Variants in SOX6 observed in about 807,000 individuals in gnomAD.
SOX6 encodes SRY-box transcription factor 6, also known as transcription factor SOX-6.
In SOX6, 11 loss-of-function variants were observed where a neutral mutation model predicts 97.8. The ratio of observed to expected loss-of-function variants is 0.11; its 90% CI spans 0.07 to 0.19. The LOEUF is 0.19. Among genes scored for constraint, SOX6 ranks in the 10% least tolerant of loss-of-function variants. The pLI, the probability that SOX6 is intolerant of heterozygous loss-of-function variation, is 1.00. For synonymous variants in SOX6, 360 were observed against 371.4 expected (o/e 0.97, Z 0.35); for missense variants, 810 against 1,039.5 (o/e 0.78, Z 3.04).
At chr11:16,187,479 G>A (rs1159870926) in intron 4 of SOX6, among the ~76,000 whole-genome samples, 1 of 151,986 alleles carries the variant, frequency 6.6e-6, no homozygotes, top group Non-Finnish European at 1.5e-5. Flanking sequence ...TCAATCTCTT[G>A]GCCATAGAGA....
chr11:16,291,229 TTATATATATATATATATATA>T (rs10529279), intron 3 of SOX6, among the ~76,000 whole-genome samples: 55 of 143,618 alleles, frequency 3.8e-4, no homozygotes, highest in East Asian at 3.4e-3. Flanking sequence ...TTCTATAAAT[TTATATATATATATATATATA>T]TATATATATA....
intron 3 of SOX6, among the ~76,000 whole-genome samples, chr11:16,659,722 T>G (rs1847751446): frequency 6.6e-6 from 1 of 152,198 alleles, no homozygotes. Flanking sequence ...TTTTTTCTTT[T>G]TTCACTGGTA....
At chr11:16,575,608 A>T (rs1847979625) in intron 4 of SOX6, among the ~76,000 whole-genome samples, 1 of 152,236 alleles carries the variant, frequency 6.6e-6, no homozygotes, top group African/African-American at 2.4e-5. Flanking sequence ...AAATTGGAAC[A>T]TACACAAAAA....
intron 9 of SOX6, among the ~76,000 whole-genome samples, chr11:16,095,187 A>G (rs77404678): frequency 0.012 from 1,828 of 152,040 alleles, 36 homozygotes; most frequent in African/African-American, 0.042. Context: ...AACTGTATCC[A>G]CTTTTTAAAA....
chr11:16,214,050 A>C (rs549998117), intron 4 of SOX6, among the ~76,000 whole-genome samples: 1 of 152,216 alleles, frequency 6.6e-6, no homozygotes, highest in Non-Finnish European at 1.5e-5. Flanking sequence ...AATGTTCTAC[A>C]TCTATGCTGC....
chr11:16,295,855 A>G (rs1318744760), intron 3 of SOX6, among the ~76,000 whole-genome samples: 1 of 152,098 alleles, frequency 6.6e-6, no homozygotes, highest in East Asian at 1.9e-4. Flanking sequence ...AGGGGGTCAC[A>G]ACAAAGGAAT....
chr11:16,327,681 T>A (rs1312317395), intron 2 of SOX6, among the ~76,000 whole-genome samples: 1 of 152,068 alleles, frequency 6.6e-6, no homozygotes, highest in Non-Finnish European at 1.5e-5. Context: ...ACAAGGAATG[T>A]GGATGGTCAG....
chr11:16,370,335 A>C (rs879635871), intron 1 of SOX6, among the ~76,000 whole-genome samples: 5 of 152,164 alleles, frequency 3.3e-5, no homozygotes, highest in Non-Finnish European at 7.4e-5. Flanking sequence ...TGAACAACTT[A>C]TCATGTTTTT....
intron 7 of SOX6, 88 bp from the exon 8 acceptor site, chr11:16,097,776 G>A: frequency 8.2e-7 from 1 of 1,214,276 alleles, no homozygotes; most frequent in Non-Finnish European, 1.2e-6. Flanking sequence ...GATTGCCTGA[G>A]CTTTACAACA....
At chr11:16,143,154 C>G (rs1850192272) in intron 6 of SOX6, among the ~76,000 whole-genome samples, 1 of 152,150 alleles carries the variant, frequency 6.6e-6, no homozygotes, top group Admixed American at 6.5e-5. Context: ...GCGGATCTCT[C>G]AGCAGAAACT....
intron 4 of SOX6, among the ~76,000 whole-genome samples, chr11:16,512,617 T>A (rs1860896905): frequency 6.6e-6 from 1 of 152,220 alleles, no homozygotes; most frequent in African/African-American, 2.4e-5. Flanking sequence ...GTTATTAGTA[T>A]ATAAATATTG....
chr11:16,143,795 G>A (rs992456425), intron 6 of SOX6, among the ~76,000 whole-genome samples: 2 of 152,144 alleles, frequency 1.3e-5, no homozygotes, highest in African/African-American at 4.8e-5. Flanking sequence ...TCAACACGAA[G>A]AGCTAAGTAT....
rs911005839 is a variant in SOX6 at position 16,340,871 on chromosome 11, T to C, written c.237+141A>G. 2.5e-6 allele frequency: 3 copies of C among 1,178,778 alleles called. No individual in the cohort carries two copies. In the African/African-American group the frequency reaches 4.6e-5, roughly 18 times the overall value. 73.0% of individuals were successfully genotyped at this position (1,178,778 alleles called of 1,614,324 possible). A position where few individuals can be genotyped will look rare whatever the true frequency, so the allele number is the denominator to read the frequency against. The stretch of plus-strand genomic sequence containing the variant: ...TCAAGTTTTTCCAGTTATTAGTATC[T>C]TAGTAATATGTACCTGGTAGTTGTT... On this transcript the variant is annotated intron_variant, in intron 2 of 15. Coordinates refer to ENST00000683767, the MANE Select transcript of SOX6 (RefSeq NM_001367873.1).
chr11:16,065,208 T>C (rs1848065681), intron 9 of SOX6, among the ~76,000 whole-genome samples: 1 of 152,052 alleles, frequency 6.6e-6, no homozygotes, highest in South Asian at 2.1e-4. Flanking sequence ...TCAATAGCAT[T>C]TCTATATTCT....
intron 3 of SOX6, among the ~76,000 whole-genome samples, chr11:16,304,605 T>C (rs1804755201): frequency 2.0e-5 from 3 of 152,214 alleles, no homozygotes; most frequent in Admixed American, 2.0e-4. Flanking sequence ...TAGTATTTTG[T>C]TACAGTAGCC....
intron 6 of SOX6, among the ~76,000 whole-genome samples, chr11:16,112,190 CT>C (rs1849248412): frequency 1.3e-5 from 2 of 152,140 alleles, no homozygotes; most frequent in African/African-American, 4.8e-5. Flanking sequence ...TTTCTCTTGA[CT>C]TTTTTCCTTT....
intron 6 of SOX6, among the ~76,000 whole-genome samples, chr11:16,170,142 G>A (rs541520967): frequency 6.6e-6 from 1 of 152,108 alleles, no homozygotes; most frequent in African/African-American, 2.4e-5. Context: ...TCATTTAACA[G>A]AGACACATGC....
chr11:16,361,606 A>G (rs1857213159), intron 1 of SOX6, among the ~76,000 whole-genome samples: 2 of 152,174 alleles, frequency 1.3e-5, no homozygotes, highest in African/African-American at 4.8e-5. Flanking sequence ...CATACCTCAG[A>G]GTGAGCAACC....
intron 4 of SOX6, among the ~76,000 whole-genome samples, chr11:16,519,773 A>G (rs2133159474): frequency 6.6e-6 from 1 of 152,272 alleles, no homozygotes; most frequent in African/African-American, 2.4e-5. Flanking sequence ...TATTTGAGAA[A>G]TTTCCATACT....
Sources: gnomAD v4.1 joint callset for allele counts (sites outside exome capture counted in the v4.1 genomes callset) on GRCh38, gnomAD v4.1.1 for gene constraint, MANE v1.5 for transcripts, NCBI Gene and HGNC (gene_info 2026-07-23, HGNC 2026-07-21) for gene names.